Variants in GKAP1 observed in about 807,000 individuals in gnomAD.
The protein encoded by GKAP1 is G kinase-anchoring protein 1.
A neutral mutation model predicts 56.7 loss-of-function variants in GKAP1; 31 were observed. The observed-to-expected ratio is 0.55, with a 90% CI of 0.41 to 0.74. The LOEUF is 0.74. Among genes scored for constraint, GKAP1 ranks in the 30% least tolerant of loss-of-function variants. The pLI, the probability that GKAP1 is intolerant of heterozygous loss-of-function variation, is 0.00. For missense variants in GKAP1, 364 were observed against 402.3 expected, an observed-to-expected ratio of 0.90 and a Z score of 0.82; for synonymous variants, 151 against 138.6, an observed-to-expected ratio of 1.09 and a Z score of -0.63.
chr9:83,791,153 AGCACTTTGGGAGGCCGAGACAG>A (rs1944151487), intron 4 of GKAP1, among the ~76,000 whole-genome samples: 1 of 152,238 alleles, frequency 6.6e-6, no homozygotes, highest in South Asian at 2.1e-4. Context: ...CTGTAATCCC[AGCACTTTGGGAGGCCGAGACAG>A]GCAGATCACA....
At chr9:83,807,182 G>A (rs1320746585) in intron 2 of GKAP1, among the ~76,000 whole-genome samples, 7 of 152,310 alleles carry the variant, frequency 4.6e-5, no homozygotes, top group East Asian at 3.9e-4. Flanking sequence ...CATTCCATGT[G>A]CTGTCAGCTT....
chr9:83,791,854 C>A (rs1010884420), intron 4 of GKAP1, among the ~76,000 whole-genome samples: 1 of 152,054 alleles, frequency 6.6e-6, no homozygotes, highest in Non-Finnish European at 1.5e-5. Flanking sequence ...AAAAAAAATC[C>A]TTTTAAGTTG....
chr9:83,797,604 C>A (rs923393247), intron 4 of GKAP1, among the ~76,000 whole-genome samples: 1 of 152,194 alleles, frequency 6.6e-6, no homozygotes, highest in Admixed American at 6.5e-5. Context: ...CAGTAGTATA[C>A]TCAGCAGAAA....
intron 7 of GKAP1, among the ~76,000 whole-genome samples, chr9:83,769,321 C>A (rs1016457956): frequency 2.0e-5 from 3 of 152,144 alleles, no homozygotes; most frequent in Non-Finnish European, 4.4e-5. Flanking sequence ...ACAACCATCA[C>A]CCCAATCAAC....
At chr9:83,787,242 T>A (rs1944080175) in intron 5 of GKAP1, among the ~76,000 whole-genome samples, 1 of 152,184 alleles carries the variant, frequency 6.6e-6, no homozygotes, top group Admixed American at 6.5e-5. Context: ...ATGCTGTGAA[T>A]TTTTTTGTTA....
chr9:83,754,539 T>C (rs1564190831), intron 8 of GKAP1, among the ~76,000 whole-genome samples: 1 of 152,156 alleles, frequency 6.6e-6, no homozygotes, highest in Non-Finnish European at 1.5e-5. Flanking sequence ...CCTTGTGTGA[T>C]GGGTAGGAAC....
At chr9:83,757,371 C>G (rs778201370) in intron 8 of GKAP1, among the ~76,000 whole-genome samples, 6 of 152,098 alleles carry the variant, frequency 3.9e-5, no homozygotes, top group Non-Finnish European at 7.4e-5. Context: ...TTGACAGTGA[C>G]GTATGATAGG....
At chr9:83,743,631 T>G (rs1255792569) in intron 10 of GKAP1, among the ~76,000 whole-genome samples, 1 of 152,174 alleles carries the variant, frequency 6.6e-6, no homozygotes, top group Admixed American at 6.5e-5. Flanking sequence ...GTGCTTTTTT[T>G]GTTGAATTGT....
chr9:83,781,779 G>T (rs998940464), intron 6 of GKAP1, among the ~76,000 whole-genome samples: 2 of 151,770 alleles, frequency 1.3e-5, no homozygotes. Context: ...ATCAAATGTG[G>T]AAAACAGGAG....
In GKAP1 at chr9:83,810,015, T is replaced by C. The variant is rs528020296; in HGVS notation, c.-43-3455A>G. On this transcript the variant is annotated intron_variant, in intron 2 of 12. Coordinates refer to ENST00000376371, the MANE Select transcript of GKAP1 (RefSeq NM_025211.4). ...TTATAGAGATGGGGGTCTCCCTATG[T>C]TGCCTAAGCTGGTCTCCAACTCCTG... is the stretch of plus-strand genomic sequence containing the variant. Among the ~76,000 whole-genome samples, 23 of 152,316 alleles carry C rather than the reference T, an allele frequency of 1.5e-4. 1 individual carries two copies. The South Asian group carries it at 4.8e-3, about 32-fold the overall frequency.
At chr9:83,753,862 A>G (rs1003512065) in intron 8 of GKAP1, among the ~76,000 whole-genome samples, 1 of 152,200 alleles carries the variant, frequency 6.6e-6, no homozygotes, top group Non-Finnish European at 1.5e-5. Context: ...TAAGAAATTT[A>G]TAAAATCTCG....
Position 83,739,469 on chromosome 9 carries a change from A to G in GKAP1, c.*228T>C, listed in dbSNP as rs1943170442. ...TATTGACTGATGAAAAACTAAAGTG[A>G]TAAGAAGTATGGATAGTAGACAACC... On this transcript the variant is annotated 3_prime_UTR_variant, in exon 13 of 13. Coordinates refer to ENST00000376371, the MANE Select transcript of GKAP1 (RefSeq NM_025211.4). The G allele has an allele frequency of 5.3e-6, 2 of 378,634 alleles. No individual in the cohort carries two copies. Among genetic ancestry groups the G allele is most frequent in the Non-Finnish European group, 4.7e-6 (1 of 213,224 alleles). The allele number at this position is 378,634 out of a possible 1,614,324, so 23.5% of individuals were successfully genotyped here.
intron 2 of GKAP1, among the ~76,000 whole-genome samples, chr9:83,809,205 G>A (rs1239260154): frequency 5.3e-5 from 8 of 152,146 alleles, no homozygotes; most frequent in Admixed American, 5.2e-4. Context: ...ATCTCTCCAA[G>A]GCTCATAGAA....
At chr9:83,760,267 AAAG>A (rs1485393085) in intron 8 of GKAP1, among the ~76,000 whole-genome samples, 1 of 152,230 alleles carries the variant, frequency 6.6e-6, no homozygotes, top group East Asian at 1.9e-4. Context: ...TATAAGAAAC[AAAG>A]AAGGTCACTA....
intron 12 of GKAP1, 22 bp from the exon 13 acceptor site, chr9:83,739,766 G>C (rs1433153284): frequency 6.7e-7 from 1 of 1,485,388 alleles, no homozygotes; most frequent in Admixed American, 1.7e-5. Flanking sequence ...AAAAAAAATA[G>C]GGAAAATTAT....
At chr9:83,787,523 T>C (rs1210944566) in intron 5 of GKAP1, among the ~76,000 whole-genome samples, 4 of 152,198 alleles carry the variant, frequency 2.6e-5, no homozygotes, top group African/African-American at 9.7e-5. Context: ...ATTTTAATTA[T>C]TCACTTCTTT....
intron 6 of GKAP1, among the ~76,000 whole-genome samples, chr9:83,781,382 G>T (rs911259770): frequency 6.6e-6 from 1 of 152,068 alleles, no homozygotes; most frequent in Non-Finnish European, 1.5e-5. Context: ...TACAAATAGT[G>T]GGCAAGTATT....
At chr9:83,813,707 C>T (rs901664242) in intron 2 of GKAP1, among the ~76,000 whole-genome samples, 1 of 152,246 alleles carries the variant, frequency 6.6e-6, no homozygotes, top group African/African-American at 2.4e-5. Context: ...AATAAACACA[C>T]ATTCTCAATA....
At chr9:83,760,911 A>G (rs1441731784) in intron 8 of GKAP1, among the ~76,000 whole-genome samples, 3 of 152,068 alleles carry the variant, frequency 2.0e-5, no homozygotes, top group African/African-American at 7.2e-5. Flanking sequence ...ACATCCAAAA[A>G]GAAGAAAAAT....
Sources: gnomAD v4.1 joint callset for allele counts (sites outside exome capture counted in the v4.1 genomes callset) on GRCh38, gnomAD v4.1.1 for gene constraint, MANE v1.5 for transcripts, NCBI Gene and HGNC (gene_info 2026-07-23, HGNC 2026-07-21) for gene names.